Variants in NAE1 observed in about 807,000 individuals in gnomAD.
NAE1 encodes the protein NEDD8-activating enzyme E1 regulatory subunit.
Under a neutral mutation model 88.0 loss-of-function variants are expected in NAE1, and 59 were observed. The ratio of observed to expected loss-of-function variants is 0.67; its 90% CI spans 0.54 to 0.83. The LOEUF is 0.83. Ranked by LOEUF, NAE1 falls within the 40% of genes least tolerant of loss-of-function variation. NAE1 has a pLI of 0.00. For synonymous variants in NAE1, 186 were observed against 208.9 expected (o/e 0.89, Z 0.95); for missense variants, 554 against 632.8 (o/e 0.88, Z 1.34).
At chr16:66,807,655 A>C (rs1242150185) in intron 17 of NAE1, among the ~76,000 whole-genome samples, 1 of 151,648 alleles carries the variant, frequency 6.6e-6, no homozygotes, top group South Asian at 2.1e-4. Flanking sequence ...AAAAAAAAAA[A>C]AGACTATAAA....
At chr16:66,811,538 C>T (rs1325096444) in intron 13 of NAE1, among the ~76,000 whole-genome samples, 2 of 151,834 alleles carry the variant, frequency 1.3e-5, no homozygotes, top group African/African-American at 4.8e-5. Flanking sequence ...AAAAAAAAAC[C>T]CTTACCCAAT....
At chr16:66,830,617 C>A (rs934873883) in intron 1 of NAE1, among the ~76,000 whole-genome samples, 3 of 152,208 alleles carry the variant, frequency 2.0e-5, no homozygotes, top group Non-Finnish European at 2.9e-5. Context: ...GCTGGGGACC[C>A]CGTCCCCCGA....
At chr16:66,830,741 G>C in intron 1 of NAE1, 106 bp downstream of exon 1, 1 of 1,128,850 alleles carries the variant, frequency 8.9e-7, no homozygotes. Context: ...GCCCAGCCTG[G>C]AAGAAGGCCT....
In NAE1 at chr16:66,823,324, GA is replaced by G. The variant is rs752539213; in HGVS notation, c.322-19del. 1.9e-6 allele frequency: 3 copies of G among 1,557,896 alleles called. No homozygotes were observed. Among genetic ancestry groups the G allele is most frequent in the East Asian group, 4.5e-5 (2 of 44,072 alleles). On this transcript the variant is annotated intron_variant, in intron 5 of 19. Coordinates refer to ENST00000290810, the MANE Select transcript of NAE1 (RefSeq NM_003905.4). ...TCTGGACTCTAAACAGGACAGCAAA[GA>G]AAAAAACAAACAAAAAAAACCAATT... is the stretch of plus-strand genomic sequence containing the variant.
At chr16:66,807,438 G>A (rs1401181039) in intron 17 of NAE1, among the ~76,000 whole-genome samples, 2 of 152,042 alleles carry the variant, frequency 1.3e-5, no homozygotes, top group African/African-American at 4.8e-5. Context: ...TCAGGAGTTC[G>A]AGACCAGCCT....
chr16:66,815,062 C>T (rs1383959067), intron 11 of NAE1, among the ~76,000 whole-genome samples: 1 of 152,168 alleles, frequency 6.6e-6, no homozygotes, highest in Admixed American at 6.5e-5. Flanking sequence ...CTCCCTGGCT[C>T]CCTATGTACA....
At chr16:66,809,479 G>A (rs1198908589) in intron 15 of NAE1, among the ~76,000 whole-genome samples, 1 of 152,100 alleles carries the variant, frequency 6.6e-6, no homozygotes, top group Non-Finnish European at 1.5e-5. Flanking sequence ...AAAGGAGAGA[G>A]GTTTATGAAT....
At chr16:66,821,614 C>T in intron 6 of NAE1, 55 bp from the exon 7 acceptor site, 1 of 1,382,956 alleles carries the variant, frequency 7.2e-7, no homozygotes, top group Non-Finnish European at 9.7e-7. Flanking sequence ...ATATGCCAAA[C>T]ATGAAAACAT....
chr16:66,819,580 A>C (rs1960170986), intron 7 of NAE1, among the ~76,000 whole-genome samples: 1 of 152,214 alleles, frequency 6.6e-6, no homozygotes, highest in Non-Finnish European at 1.5e-5. Flanking sequence ...TGGGACCATA[A>C]GTGTTTTGGA....
At position 66,802,885 on chromosome 16, in the gene NAE1, T is replaced by A. The variant is rs1263440539; in HGVS notation, c.*124A>T. 1 of 670,124 alleles carries A rather than the reference T, an allele frequency of 1.5e-6. No homozygotes were observed. Among genetic ancestry groups the A allele is most frequent in the African/African-American group, 1.8e-5 (1 of 54,508 alleles). 41.5% of individuals were successfully genotyped at this position (670,124 alleles called of 1,614,324 possible). A position where few individuals can be genotyped will look rare whatever the true frequency, so the allele number is the denominator to read the frequency against. On this transcript the variant is annotated 3_prime_UTR_variant, in exon 20 of 20. Coordinates refer to ENST00000290810, the MANE Select transcript of NAE1 (RefSeq NM_003905.4). ...AAGAACAAGACTACATTATTACAAA[T>A]GAGAAAAATGTTTATTAAGAAAACA... is the stretch of plus-strand genomic sequence containing the variant.
rs1230714183 is a variant in NAE1, at chr16:66,808,976, C to T, written c.1237+13G>A. 1 of 1,553,028 alleles carries T rather than the reference C, an allele frequency of 6.4e-7. No homozygotes were observed. The highest frequency in any genetic ancestry group is 2.3e-5 in the East Asian group (1 of 44,182). ...TTAAAATTAACCCAGAATCAGAAGG[C>T]TATTATACTTACTAATTTCATCCTT... On this transcript the variant is annotated intron_variant, in intron 16 of 19. Transcript: ENST00000290810.
intron 19 of NAE1, among the ~76,000 whole-genome samples, chr16:66,803,628 T>C (rs2145303624): frequency 6.6e-6 from 1 of 151,988 alleles, no homozygotes; most frequent in South Asian, 2.1e-4. Context: ...TCTCACTCTG[T>C]CACCCAGGCT....
At chr16:66,821,334 A>C in intron 7 of NAE1, 116 bp downstream of exon 7, 8 of 1,281,044 alleles carry the variant, frequency 6.2e-6, no homozygotes, top group Non-Finnish European at 7.1e-6. Flanking sequence ...ATCTGCAACT[A>C]GAGATGTGCT....
chr16:66,816,926 T>C, intron 10 of NAE1, 39 bp downstream of exon 10: 1 of 1,562,490 alleles, frequency 6.4e-7, no homozygotes, highest in Non-Finnish European at 8.6e-7. Context: ...CAATTTGCTT[T>C]TCAAGCTTTA....
At chr16:66,828,122 A>T in intron 1 of NAE1, 1 of 1,444,624 alleles carries the variant, frequency 6.9e-7, no homozygotes. Flanking sequence ...TCTCCATCAA[A>T]GTATGGCACG....
chr16:66,828,679 C>G (rs1010546169), intron 1 of NAE1, among the ~76,000 whole-genome samples: 1 of 150,004 alleles, frequency 6.7e-6, no homozygotes, highest in African/African-American at 2.5e-5. Context: ...TACTGAGACC[C>G]ACCTCAAAAA....
chr16:66,817,157 C>A, intron 9 of NAE1, 129 bp from the exon 10 acceptor site: 1 of 1,269,442 alleles, frequency 7.9e-7, no homozygotes, highest in Non-Finnish European at 1.1e-6. Flanking sequence ...AAATCAGAGG[C>A]TCACTTGATA....
In NAE1 at chr16:66,811,421, T is replaced by A. The variant is rs182518316; in HGVS notation, c.1035-649A>T. Among the ~76,000 whole-genome samples the A allele has an allele frequency of 1.6e-3, 244 of 152,256 alleles. 1 individual carries two copies. The highest frequency in any genetic ancestry group is 5.8e-3 in the African/African-American group (239 of 41,536). On this transcript the variant is annotated intron_variant, in intron 13 of 19. Coordinates refer to ENST00000290810, the MANE Select transcript of NAE1 (RefSeq NM_003905.4). ...GATTTAGAAACTGAAAATACTGTAT[T>A]AATGACAATTTTCAATTAACTGACC...
intron 15 of NAE1, among the ~76,000 whole-genome samples, chr16:66,809,874 A>G (rs1017305629): frequency 6.6e-6 from 1 of 152,116 alleles, no homozygotes; most frequent in African/African-American, 2.4e-5. Context: ...CTGACTCTTA[A>G]ATAAAAGAAA....
Sources: allele counts gnomAD v4.1 joint callset (sites outside exome capture counted in the v4.1 genomes callset), GRCh38; gene constraint gnomAD v4.1.1; transcripts MANE v1.5; gene names NCBI Gene and HGNC (gene_info 2026-07-23, HGNC 2026-07-21).